The following RNF167 variants were observed in gnomAD, a reference collection of about 807,000 sequenced individuals.
The protein encoded by RNF167 is ring finger protein 167, also known as E3 ubiquitin-protein ligase RNF167.
RNF167 carries 19 observed loss-of-function variants against 34.8 expected under a neutral mutation model. That is an observed-to-expected ratio of 0.55 (90% CI 0.38 to 0.80). RNF167 has a LOEUF of 0.80. Among genes scored for constraint, RNF167 ranks in the 30% least tolerant of loss-of-function variants. The probability of loss-of-function intolerance (pLI) is 0.00; values close to 1 mark genes in which losing one functional copy is unlikely to be tolerated. For missense variants in RNF167, 464 were observed against 447.0 expected (o/e 1.04, Z -0.34); for synonymous variants, 200 against 170.4 (o/e 1.17, Z -1.35).
chr17:4,940,504 C>T lies in RNF167; in HGVS notation c.-406C>T, dbSNP rs1342855924. 1.1e-5 allele frequency: 2 copies of T among 177,784 alleles called. No individual in the cohort carries two copies. The highest frequency in any genetic ancestry group is 3.0e-4 in the East Asian group (2 of 6,756). 11.0% of individuals were successfully genotyped at this position (177,784 alleles called of 1,614,324 possible). A position where few individuals can be genotyped will look rare whatever the true frequency, so the allele number is the denominator to read the frequency against. On this transcript the variant is annotated 5_prime_UTR_variant, in exon 2 of 10. Transcript: ENST00000262482. ...CCTTTTAGGACCGGAAGTCCTTCAT[C>T]TCAAGCATCCAATGCTGAAAGCGGC...
At chr17:4,944,327 C>G (rs1298578190) in intron 8 of RNF167, 4 of 1,035,678 alleles carry the variant, frequency 3.9e-6, no homozygotes, top group Non-Finnish European at 5.0e-6. Flanking sequence ...CTCCCTATCT[C>G]CACCCTCACA....
chr17:4,945,098 T>C lies in RNF167; in HGVS notation c.*82T>C. On this transcript the variant is annotated 3_prime_UTR_variant, in exon 10 of 10. Coordinates refer to ENST00000262482, the MANE Select transcript of RNF167 (RefSeq NM_015528.3). Reference sequence around the variant, plus strand: ...CCAGTCTTCTGAGGGATAGGGGACATTCCATCCCAAGCTTCTCCCTTACCC... The same window carrying C: ...CCAGTCTTCTGAGGGATAGGGGACACTCCATCCCAAGCTTCTCCCTTACCC... 1.6e-6 allele frequency: 2 copies of C among 1,282,798 alleles called. No homozygotes were observed. The highest frequency in any genetic ancestry group is 2.1e-6 in the Non-Finnish European group (2 of 940,290). 79.5% of individuals were successfully genotyped at this position (1,282,798 alleles called of 1,614,324 possible).
In RNF167 at chr17:4,943,403, C is replaced by T. The variant is rs1192762539; in HGVS notation, c.577-23C>T. Reference sequence around the variant, plus strand: ...GTCTAGTTTTGTTCCTAAGCCTTGTCCATCCACCCCCGCTTCCCCCAGATA... The same window carrying T: ...GTCTAGTTTTGTTCCTAAGCCTTGTTCATCCACCCCCGCTTCCCCCAGATA... On this transcript the variant is annotated intron_variant, in intron 7 of 9. Transcript: ENST00000262482. 4 of 1,608,140 alleles carry T rather than the reference C, an allele frequency of 2.5e-6. No homozygotes were observed. The South Asian group carries it at 3.3e-5, about 13-fold the overall frequency.
chr17:4,941,390 G>A (rs1970790313), intron 3 of RNF167, among the ~76,000 whole-genome samples: 1 of 152,174 alleles, frequency 6.6e-6, no homozygotes, highest in African/African-American at 2.4e-5. Flanking sequence ...GGTTATCAGG[G>A]AGACTGAAAG....
rs1236144105 is a variant in RNF167 at position 4,942,382 on chromosome 17, C to A, written c.207C>A (p.Pro69=). The change falls in exon 4 of 10, where the codon CCC becomes CCA. Residue 69 remains proline, a synonymous_variant. Transcript: ENST00000262482. The part of the protein sequence containing the change: ...VEAHPDNACS[P]IAPPPPAPVN... ...CTCACCCAGACAATGCCTGCAGCCC[C>A]ATTGCCCCACCACCCCCAGCCCCGG... is the stretch of plus-strand genomic sequence containing the variant. 4 of 1,614,000 alleles carry A rather than the reference C, an allele frequency of 2.5e-6. No homozygotes were observed. The highest frequency in any genetic ancestry group is 3.4e-6 in the Non-Finnish European group (4 of 1,179,996).
intron 3 of RNF167, 123 bp from the exon 4 acceptor site, chr17:4,942,218 C>T (rs1467281044): frequency 3.0e-5 from 35 of 1,156,916 alleles, no homozygotes; most frequent in Non-Finnish European, 4.1e-5. Flanking sequence ...ACTCAGACCC[C>T]AGGAAGGAGG....
chr17:4,944,596 T>C lies in RNF167; in HGVS notation c.709T>C (p.Tyr237His). ...TGTCTGTGCCATTTGCCTGGATGAA[T>C]ATGAGGATGGGGACAAGCTGCGGGT... The part of the protein sequence containing the change: ...YDVCAICLDE[Y>H]EDGDKLRVLP... The change falls in exon 9 of 10, where the codon TAT becomes CAT. Residue 237 changes from tyrosine to histidine, a missense_variant. By Grantham distance (83) the Tyr-to-His change is moderately conservative. Transcript: ENST00000262482. 6.2e-7 allele frequency: 1 copy of C among 1,610,150 alleles called. No homozygotes were observed. Among genetic ancestry groups the C allele is most frequent in the Non-Finnish European group, 8.5e-7 (1 of 1,178,236 alleles).
In RNF167 at chr17:4,945,144, C is replaced by A; in HGVS notation, c.*128C>A. 4.6e-6 allele frequency: 4 copies of A among 878,116 alleles called. No individual in the cohort carries two copies. Among genetic ancestry groups the A allele is most frequent in the Non-Finnish European group, 6.7e-6 (4 of 596,514 alleles). 54.4% of individuals were successfully genotyped at this position (878,116 alleles called of 1,614,324 possible). A position where few individuals can be genotyped will look rare whatever the true frequency, so the allele number is the denominator to read the frequency against. On this transcript the variant is annotated 3_prime_UTR_variant, in exon 10 of 10. Coordinates refer to ENST00000262482, the MANE Select transcript of RNF167 (RefSeq NM_015528.3). The stretch of plus-strand genomic sequence containing the variant: ...TACCCACACCTATCCTTTTGAGGGG[C>A]TTTGGGGTGGAGCTGGGGCAAGCAG...
intron 3 of RNF167, 67 bp from the exon 4 acceptor site, chr17:4,942,274 G>C (rs1442685777): frequency 1.3e-6 from 2 of 1,567,550 alleles, no homozygotes; most frequent in Non-Finnish European, 1.7e-6. Flanking sequence ...TGGTGTGTTT[G>C]GTGGCCCCTG....
In RNF167 at chr17:4,945,089, T is replaced by C; in HGVS notation, c.*73T>C. The C allele has an allele frequency of 7.6e-7, 1 of 1,312,426 alleles. No individual in the cohort carries two copies. The highest frequency in any genetic ancestry group is 2.5e-5 in the Admixed American group (1 of 40,056). 81.3% of individuals were successfully genotyped at this position (1,312,426 alleles called of 1,614,324 possible). The stretch of plus-strand genomic sequence containing the variant: ...GTCTTCCCTCCAGTCTTCTGAGGGA[T>C]AGGGGACATTCCATCCCAAGCTTCT... On this transcript the variant is annotated 3_prime_UTR_variant, in exon 10 of 10. Coordinates refer to ENST00000262482, the MANE Select transcript of RNF167 (RefSeq NM_015528.3).
In RNF167 at chr17:4,944,974, T is replaced by C. The variant is rs892710296; in HGVS notation, c.1011T>C (p.Asp337=). 1.3e-6 allele frequency: 2 copies of C among 1,583,214 alleles called. No individual in the cohort carries two copies. Among genetic ancestry groups the C allele is most frequent in the Admixed American group, 1.8e-5 (1 of 55,352 alleles). ...TTGTTTTTCCTGGGCCTTCAACAGA[T>C]CCCCCACTGTCCCCTCCCTCTTCCC... The part of the protein sequence containing the change: ...APLVFPGPST[D]PPLSPPSSPV... Residue 337 remains aspartate, a synonymous_variant, in exon 10 of 10, where the codon GAT becomes GAC. Transcript: ENST00000262482.
upstream of RNF167, chr17:4,940,243 C>G (rs1353474169): frequency 4.3e-6 from 1 of 233,252 alleles, no homozygotes; most frequent in Non-Finnish European, 8.1e-6. Context: ...GAGTACGGCT[C>G]GCCAAGTTGG....
intron 3 of RNF167, among the ~76,000 whole-genome samples, chr17:4,941,868 G>A (rs750096756): frequency 1.3e-5 from 2 of 152,070 alleles, no homozygotes; most frequent in African/African-American, 2.4e-5. Flanking sequence ...AGTGAGCCGA[G>A]ATCGCGCCAC....
In RNF167 at chr17:4,944,901, C is replaced by T. The variant is rs1353036806; in HGVS notation, c.938C>T (p.Ser313Phe). 1 of 1,613,850 alleles carries T rather than the reference C, an allele frequency of 6.2e-7. No homozygotes were observed. The highest frequency in any genetic ancestry group is 8.5e-7 in the Non-Finnish European group (1 of 1,179,934). The stretch of plus-strand genomic sequence containing the variant: ...TCAGAAAGGACCCCACTTTTGGGTT[C>T]TAGCCCCACTCTTCCCACCTCCTTT... The part of the protein sequence containing the change: ...PASERTPLLG[S>F]SPTLPTSFGS... Residue 313 changes from serine (S) to phenylalanine (F), a missense_variant, in exon 10 of 10, where the codon TCT (serine) becomes TTT (phenylalanine). Coordinates refer to ENST00000262482, the MANE Select transcript of RNF167 (RefSeq NM_015528.3).
intron 8 of RNF167, 132 bp from the exon 9 acceptor site, chr17:4,944,426 T>C: frequency 6.9e-7 from 1 of 1,454,000 alleles, no homozygotes. Flanking sequence ...TGCCCTGACC[T>C]TATCCTGCCT....
Position 4,944,974 on chromosome 17 carries a change from T to G in RNF167, c.1011T>G (p.Asp337Glu), listed in dbSNP as rs892710296. 22 of 1,583,212 alleles carry G rather than the reference T, an allele frequency of 1.4e-5. No homozygotes were observed. The highest frequency in any genetic ancestry group is 1.9e-5 in the Non-Finnish European group (22 of 1,164,604). Residue 337 changes from aspartate to glutamate, a missense_variant, in exon 10 of 10, where the codon GAT becomes GAG. Transcript: ENST00000262482. Reference protein sequence around the residue: ...APLVFPGPSTDPPLSPPSSPV... With the variant: ...APLVFPGPSTEPPLSPPSSPV... ...TTGTTTTTCCTGGGCCTTCAACAGATCCCCCACTGTCCCCTCCCTCTTCCC... is the reference window on the plus strand; with the variant it reads ...TTGTTTTTCCTGGGCCTTCAACAGAGCCCCCACTGTCCCCTCCCTCTTCCC...
intron 8 of RNF167, 121 bp downstream of exon 8, chr17:4,943,640 C>A: frequency 2.2e-5 from 18 of 807,706 alleles, no homozygotes; most frequent in Non-Finnish European, 3.3e-5. Context: ...TCACGTAATC[C>A]CAAGTGCCTC....
chr17:4,944,872 T>G lies in RNF167; in HGVS notation c.909T>G (p.Pro303=), dbSNP rs1971243905. The change falls in exon 10 of 10, where the codon CCT becomes CCG. Residue 303 remains proline, a synonymous_variant. Transcript: ENST00000262482. The part of the protein sequence containing the change: ...EGDEGEPRDH[P]ASERTPLLGS... ...ATGAAGGGGAGCCAAGGGACCACCC[T>G]GCCTCAGAAAGGACCCCACTTTTGG... 6.2e-7 allele frequency: 1 copy of G among 1,613,920 alleles called. No individual in the cohort carries two copies. Among genetic ancestry groups the G allele is most frequent in the African/African-American group, 1.3e-5 (1 of 74,922 alleles).
At chr17:4,942,279 C>G (rs1008686253) in intron 3 of RNF167, 62 bp from the exon 4 acceptor site, 11 of 1,586,246 alleles carry the variant, frequency 6.9e-6, no homozygotes, top group Non-Finnish European at 9.4e-6. Flanking sequence ...TGTTTGGTGG[C>G]CCCTGTAGAG....
Sources: allele counts gnomAD v4.1 joint callset (sites outside exome capture counted in the v4.1 genomes callset), GRCh38; gene constraint gnomAD v4.1.1; transcripts MANE v1.5; gene names NCBI Gene and HGNC (gene_info 2026-07-23, HGNC 2026-07-21).